Variants in TRH observed in about 807,000 individuals in gnomAD.
TRH encodes the protein thyrotropin releasing hormone.
TRH carries 5 observed loss-of-function variants against 5.2 expected under a neutral mutation model. The ratio of observed to expected loss-of-function variants is 0.95; its 90% CI spans 0.50 to 2.00. The LOEUF (loss-of-function observed/expected upper bound fraction) is 2.00, where lower values mean the gene tolerates loss of function less well. Ranked by LOEUF, TRH falls within the 30% of genes most tolerant of loss-of-function variation. The pLI, the probability that TRH is intolerant of heterozygous loss-of-function variation, is 0.01. For synonymous variants in TRH, 131 were observed against 128.6 expected (o/e 1.02, Z -0.13); for missense variants, 318 against 312.8 (o/e 1.02, Z -0.13).
rs576268066 is a variant in TRH, at chr3:129,977,488, C to A, written c.*272C>A. On this transcript the variant is annotated 3_prime_UTR_variant, in exon 3 of 3. Coordinates refer to ENST00000302649, the MANE Select transcript of TRH (RefSeq NM_007117.5). ...ATCCCAGAGCCCCTCTCACCCCCCCCACCACAGGCCTGCTCCTTCCTTAGC... is the reference window on the plus strand; with the variant it reads ...ATCCCAGAGCCCCTCTCACCCCCCCAACCACAGGCCTGCTCCTTCCTTAGC... The A allele has an allele frequency of 4.5e-4, 148 of 325,664 alleles. 2 individuals are homozygous for A. The South Asian group carries it at 0.013, about 28-fold the overall frequency. 20.2% of individuals were successfully genotyped at this position (325,664 alleles called of 1,614,324 possible).
rs780144608 is a variant in TRH at position 129,976,702 on chromosome 3, C to T, written c.215C>T (p.Ser72Phe). 6 of 1,612,024 alleles carry T rather than the reference C, an allele frequency of 3.7e-6. No homozygotes were observed. Among genetic ancestry groups the T allele is most frequent in the Middle Eastern group, 1.7e-4 (1 of 6,048 alleles). The change falls in exon 3 of 3, where the codon TCC becomes TTC. Residue 72 changes from serine (S) to phenylalanine (F), a missense_variant. Ser to Phe is a radical substitution (Grantham distance 155). Transcript: ENST00000302649. ...ACTGACCTCTTTCCTTCCCCAGCGT[C>T]CCAGATCTTTCAATCTGACTGGCTC... ...LQGDQGEHSASQIFQSDWLSK... is the reference protein window; with the variant it reads ...LQGDQGEHSAFQIFQSDWLSK...
In TRH at chr3:129,977,061, G is replaced by T. The variant is rs1380416603; in HGVS notation, c.574G>T (p.Ala192Ser). 6.2e-7 allele frequency: 1 copy of T among 1,606,736 alleles called. No homozygotes were observed. The highest frequency in any genetic ancestry group is 2.2e-5 in the East Asian group (1 of 44,652). Reference sequence around the variant, plus strand: ...AAAACGCCAGCATCCGGGCAAGAGGGCCCTGGGAGGCCCCTGTGGGCCCCA... The same window carrying T: ...AAAACGCCAGCATCCGGGCAAGAGGTCCCTGGGAGGCCCCTGTGGGCCCCA... ...PEKRQHPGKRALGGPCGPQGA... is the reference protein window; with the variant it reads ...PEKRQHPGKRSLGGPCGPQGA... Residue 192 changes from alanine to serine, a missense_variant, in exon 3 of 3, where the codon GCC (alanine) becomes TCC (serine). Coordinates refer to ENST00000302649, the MANE Select transcript of TRH (RefSeq NM_007117.5).
Position 129,976,572 on chromosome 3 carries a change from AAG to A in TRH, c.212-125_212-124del, listed in dbSNP as rs1560667075. On this transcript the variant is annotated intron_variant, in intron 2 of 2. Transcript: ENST00000302649. ...TCTGTGAGGCCTGAGGGGCAGGTGC[AAG>A]ACCATGCCTCTGAGTGGGAGCTGCA... The A allele has an allele frequency of 3.7e-6, 4 of 1,094,392 alleles. No homozygotes were observed. In the Admixed American group the frequency reaches 9.0e-5, roughly 25 times the overall value. The allele number at this position is 1,094,392 out of a possible 1,614,324, so 67.8% of individuals were successfully genotyped here.
chr3:129,977,114 G>A lies in TRH; in HGVS notation c.627G>A (p.Leu209=), dbSNP rs770124986. 1.3e-6 allele frequency: 2 copies of A among 1,554,952 alleles called. No homozygotes were observed. The highest frequency in any genetic ancestry group is 2.4e-5 in the South Asian group (2 of 81,764). Residue 209 remains leucine (L), a synonymous_variant, in exon 3 of 3, where the codon CTG becomes CTA. Coordinates refer to ENST00000302649, the MANE Select transcript of TRH (RefSeq NM_007117.5). ...GAGCCTATGGTCAAGCGGGCCTTCTGCTGGGGCTCCTGGATGACCTGAGTA... is the reference window on the plus strand; with the variant it reads ...GAGCCTATGGTCAAGCGGGCCTTCTACTGGGGCTCCTGGATGACCTGAGTA... The part of the protein sequence containing the change: ...PQGAYGQAGL[L]LGLLDDLSRS...
rs1335357924 is a variant in TRH, at chr3:129,977,119, G to T, written c.632G>T (p.Gly211Val). 1 of 1,552,432 alleles carries T rather than the reference G, an allele frequency of 6.4e-7. No homozygotes were observed. Among genetic ancestry groups the T allele is most frequent in the African/African-American group, 1.4e-5 (1 of 72,150 alleles). Reference sequence around the variant, plus strand: ...TATGGTCAAGCGGGCCTTCTGCTGGGGCTCCTGGATGACCTGAGTAGGAGC... The same window carrying T: ...TATGGTCAAGCGGGCCTTCTGCTGGTGCTCCTGGATGACCTGAGTAGGAGC... The part of the protein sequence containing the change: ...GAYGQAGLLL[G>V]LLDDLSRSQG... Residue 211 changes from glycine (G) to valine (V), a missense_variant, in exon 3 of 3, where the codon GGG (glycine) becomes GTG (valine). Transcript: ENST00000302649.
rs2062532588 is a variant in TRH at position 129,974,792 on chromosome 3, CGGACCCATCCT to C, written c.-38_-28del. 6.6e-6 allele frequency: 1 copy of C among 152,290 alleles called. No homozygotes were observed. Among genetic ancestry groups the C allele is most frequent in the African/African-American group, 2.4e-5 (1 of 41,460 alleles). 9.4% of individuals were successfully genotyped at this position (152,290 alleles called of 1,614,324 possible). ...CTGCGGATCCCGAGTCCCCGGATCC[CGGACCCATCCT>C]GTGGAGCCCACTCCTGGCAGGTAAC... On this transcript the variant is annotated 5_prime_UTR_variant, in exon 1 of 3. Coordinates refer to ENST00000302649, the MANE Select transcript of TRH (RefSeq NM_007117.5).
chr3:129,977,185 C>T lies in TRH; in HGVS notation c.698C>T (p.Ala233Val), dbSNP rs777335161. The T allele has an allele frequency of 1.3e-6, 2 of 1,518,404 alleles. No homozygotes were observed. The highest frequency in any genetic ancestry group is 2.3e-5 in the East Asian group (1 of 44,002). The allele number at this position is 1,518,404 out of a possible 1,614,324, so 94.1% of individuals were successfully genotyped here. A position where few individuals can be genotyped will look rare whatever the true frequency, so the allele number is the denominator to read the frequency against. The change falls in exon 3 of 3, where the codon GCA (alanine) becomes GTA (valine). Residue 233 changes from alanine (A) to valine (V), a missense_variant. Transcript: ENST00000302649. ...EEKRQHPGRR[A>V]AWVREPLEE ...AAGCGGCAGCACCCTGGTCGGCGGG[C>T]AGCCTGGGTCAGAGAGCCCCTGGAG... is the stretch of plus-strand genomic sequence containing the variant.
chr3:129,977,143 G>A lies in TRH; in HGVS notation c.656G>A (p.Ser219Asn), dbSNP rs2062550435. The change falls in exon 3 of 3, where the codon AGC becomes AAC. Residue 219 changes from serine (S) to asparagine (N), a missense_variant. Coordinates refer to ENST00000302649, the MANE Select transcript of TRH (RefSeq NM_007117.5). The stretch of plus-strand genomic sequence containing the variant: ...GGGCTCCTGGATGACCTGAGTAGGA[G>A]CCAGGGAGCTGAGGAAAAGCGGCAG... ...LLGLLDDLSR[S>N]QGAEEKRQHP... 2.0e-6 allele frequency: 3 copies of A among 1,530,228 alleles called. No homozygotes were observed. The highest frequency in any genetic ancestry group is 1.4e-5 in the African/African-American group (1 of 71,624). 94.8% of individuals were successfully genotyped at this position (1,530,228 alleles called of 1,614,324 possible). A position where few individuals can be genotyped will look rare whatever the true frequency, so the allele number is the denominator to read the frequency against.
Position 129,976,937 on chromosome 3 carries a change from GC to G in TRH, c.451del (p.Arg151GlyfsTer30). On this transcript the variant is annotated frameshift_variant, in exon 3 of 3. Transcript: ENST00000302649. LOFTEE classifies it low-confidence loss of function (END_TRUNC). ...CCTGGCTTGCATATGCTGTCCCGAAGCGGCAGCACCCAGGCAGAAGGCTGGC... is the reference window on the plus strand; with the variant it reads ...CCTGGCTTGCATATGCTGTCCCGAAGGGCAGCACCCAGGCAGAAGGCTGGC... ...SPWLAYAVPK[R>X]QHPGRRLADP... 1 of 1,613,776 alleles carries G rather than the reference GC, an allele frequency of 6.2e-7. No individual in the cohort carries two copies. The highest frequency in any genetic ancestry group is 8.5e-7 in the Non-Finnish European group (1 of 1,179,940).
chr3:129,976,827 C>G lies in TRH; in HGVS notation c.340C>G (p.Gln114Glu). Residue 114 changes from glutamine (Q) to glutamate (E), a missense_variant, in exon 3 of 3, where the codon CAG (glutamine) becomes GAG (glutamate). Coordinates refer to ENST00000302649, the MANE Select transcript of TRH (RefSeq NM_007117.5). Reference sequence around the variant, plus strand: ...GGGGGCTGTGGGACCCCACAAACGGCAGCACCCTGGCCGACGAGAAGATGA... The same window carrying G: ...GGGGGCTGTGGGACCCCACAAACGGGAGCACCCTGGCCGACGAGAAGATGA... ...EGGAVGPHKR[Q>E]HPGRREDEAS... 6.2e-7 allele frequency: 1 copy of G among 1,613,972 alleles called. No individual in the cohort carries two copies. Among genetic ancestry groups the G allele is most frequent in the Non-Finnish European group, 8.5e-7 (1 of 1,179,986 alleles).
chr3:129,976,174 A>T, intron 2 of TRH, 147 bp downstream of exon 2: 1 of 975,584 alleles, frequency 1.0e-6, no homozygotes, highest in Non-Finnish European at 1.5e-6. Flanking sequence ...CCTAGGCGGG[A>T]TCTGGAGTTG....
intron 1 of TRH, among the ~76,000 whole-genome samples, chr3:129,975,185 G>C (rs1193234053): frequency 6.6e-6 from 1 of 152,206 alleles, no homozygotes; most frequent in Non-Finnish European, 1.5e-5. Context: ...GCTAGAAATA[G>C]AATTTTAGCG....
chr3:129,976,262 G>A (rs1272121936), intron 2 of TRH, among the ~76,000 whole-genome samples: 1 of 152,256 alleles, frequency 6.6e-6, no homozygotes, highest in East Asian at 1.9e-4. Flanking sequence ...GGGTGGGGAA[G>A]CTTCTGTGTG....
In TRH at chr3:129,976,039, G is replaced by T. The variant is rs200787675; in HGVS notation, c.211+12G>T. The T allele has an allele frequency of 6.2e-7, 1 of 1,611,782 alleles. No homozygotes were observed. Among genetic ancestry groups the T allele is most frequent in the South Asian group, 1.1e-5 (1 of 90,814 alleles). On this transcript the variant is annotated intron_variant, in intron 2 of 2. Transcript: ENST00000302649. ...GGGTGAGCACTCCGGTGAGTGGATGGGGCTGTTGGGGGCTGTGGGGCTAGG... is the reference window on the plus strand; with the variant it reads ...GGGTGAGCACTCCGGTGAGTGGATGTGGCTGTTGGGGGCTGTGGGGCTAGG...
chr3:129,975,640 G>A (rs1157631568), intron 1 of TRH, among the ~76,000 whole-genome samples, 169 bp from the exon 2 acceptor site: 1 of 152,228 alleles, frequency 6.6e-6, no homozygotes, highest in Non-Finnish European at 1.5e-5. Flanking sequence ...TGTGGACGCA[G>A]AGCCGGGGCG....
chr3:129,977,206 TGGA>T lies in TRH; in HGVS notation c.724_726del (p.Glu242del), dbSNP rs773590154. ...CGGGCAGCCTGGGTCAGAGAGCCCC[TGGA>T]GGAGTGAACCCAGTTTTCCCTGAAG... is the stretch of plus-strand genomic sequence containing the variant. On this transcript the variant is annotated inframe_deletion, in exon 3 of 3. Coordinates refer to ENST00000302649, the MANE Select transcript of TRH (RefSeq NM_007117.5). 1.3e-6 allele frequency: 2 copies of T among 1,517,598 alleles called. No homozygotes were observed. Among genetic ancestry groups the T allele is most frequent in the Non-Finnish European group, 1.8e-6 (2 of 1,135,870 alleles). The allele number at this position is 1,517,598 out of a possible 1,614,324, so 94.0% of individuals were successfully genotyped here. A position where few individuals can be genotyped will look rare whatever the true frequency, so the allele number is the denominator to read the frequency against.
In TRH at chr3:129,977,105, G is replaced by C; in HGVS notation, c.618G>C (p.Ala206=). The C allele has an allele frequency of 6.4e-7, 1 of 1,571,832 alleles. No homozygotes were observed. The highest frequency in any genetic ancestry group is 1.2e-5 in the South Asian group (1 of 85,344). ...GGCCCCAGGGAGCCTATGGTCAAGC[G>C]GGCCTTCTGCTGGGGCTCCTGGATG... ...PCGPQGAYGQ[A]GLLLGLLDDL... is the part of the protein sequence containing the mutation. Residue 206 remains alanine, a synonymous_variant, in exon 3 of 3, where the codon GCG becomes GCC. Transcript: ENST00000302649.
chr3:129,976,051 G>T (rs1344575605), intron 2 of TRH, 24 bp downstream of exon 2: 2 of 1,609,688 alleles, frequency 1.2e-6, no homozygotes, highest in East Asian at 4.5e-5. Flanking sequence ...GCTGTTGGGG[G>T]CTGTGGGGCT....
rs2062543283 is a variant in TRH at position 129,976,277 on chromosome 3, GGAGA to G, written c.211+254_211+257del. 2.6e-5 allele frequency among the ~76,000 whole-genome samples: 4 copies of G among 152,252 alleles called. No homozygotes were observed. In the South Asian group the frequency reaches 6.2e-4, roughly 24 times the overall value. Reference sequence around the variant, plus strand: ...GGGTGGGGAAGCTTCTGTGTGCTAGGGAGAGAGTTTCTTTGTGTGTGACAGTTTG... The same window carrying G: ...GGGTGGGGAAGCTTCTGTGTGCTAGGGAGTTTCTTTGTGTGTGACAGTTTG... On this transcript the variant is annotated intron_variant, in intron 2 of 2. Coordinates refer to ENST00000302649, the MANE Select transcript of TRH (RefSeq NM_007117.5).
Sources: gnomAD v4.1 joint callset for allele counts (sites outside exome capture counted in the v4.1 genomes callset) on GRCh38, gnomAD v4.1.1 for gene constraint, MANE v1.5 for transcripts, NCBI Gene and HGNC (gene_info 2026-07-23, HGNC 2026-07-21) for gene names.